The following PPP2R5E variants were observed in gnomAD, a reference collection of about 807,000 sequenced individuals.
PPP2R5E encodes protein phosphatase 2 regulatory subunit B'epsilon.
A neutral mutation model predicts 65.3 loss-of-function variants in PPP2R5E; 4 were observed. The observed-to-expected ratio is 0.06, with a 90% confidence interval of 0.03 to 0.14. The LOEUF (loss-of-function observed/expected upper bound fraction) is 0.14, where lower values mean the gene tolerates loss of function less well. Among genes scored for constraint, PPP2R5E ranks in the 10% least tolerant of loss-of-function variants. The pLI, the probability that PPP2R5E is intolerant of heterozygous loss-of-function variation, is 1.00. For missense variants in PPP2R5E, 274 were observed against 556.1 expected (o/e 0.49, Z 5.10); for synonymous variants, 183 against 187.4 (o/e 0.98, Z 0.19).
intron 2 of PPP2R5E, among the ~76,000 whole-genome samples, chr14:63,494,591 G>A (rs1480549369): frequency 6.6e-6 from 1 of 151,650 alleles, no homozygotes; most frequent in Non-Finnish European, 1.5e-5. Context: ...AAACTTTTCA[G>A]TAGGAAATGA....
At chr14:63,424,809 G>A (rs1331442735) in intron 3 of PPP2R5E, among the ~76,000 whole-genome samples, 1 of 151,828 alleles carries the variant, frequency 6.6e-6, no homozygotes, top group Non-Finnish European at 1.5e-5. Context: ...AAATTGGGTA[G>A]AAAAAGAAGA....
At chr14:63,509,766 G>A (rs2139694788) in intron 2 of PPP2R5E, among the ~76,000 whole-genome samples, 1 of 152,288 alleles carries the variant, frequency 6.6e-6, no homozygotes, top group Middle Eastern at 3.4e-3. Context: ...TCAGCTATGG[G>A]AAAGCCATCT....
chr14:63,444,605 G>A (rs1185428506), intron 3 of PPP2R5E, among the ~76,000 whole-genome samples: 1 of 150,012 alleles, frequency 6.7e-6, no homozygotes, highest in Non-Finnish European at 1.5e-5. Context: ...AAACATTTTC[G>A]AGAAAAAAAA....
At chr14:63,407,910 C>T (rs1329488975) in intron 5 of PPP2R5E, among the ~76,000 whole-genome samples, 1 of 152,222 alleles carries the variant, frequency 6.6e-6, no homozygotes, top group Non-Finnish European at 1.5e-5. Context: ...ATGCCAGCAC[C>T]TCGATCTTGA....
chr14:63,512,087 A>T lies in PPP2R5E; in HGVS notation c.157+27442T>A, dbSNP rs1004681817. On this transcript the variant is annotated intron_variant, in intron 2 of 13. Transcript: ENST00000337537. ...GAGCGAGACTCTGCGGTAAAAAAAA[A>T]AAAAAAAAAAAAAAAAAGAATCTCA... Among the ~76,000 whole-genome samples, 18 of 149,730 alleles carry T rather than the reference A, an allele frequency of 1.2e-4. No individual in the cohort carries two copies. The East Asian group carries it at 3.1e-3, about 26-fold the overall frequency.
chr14:63,433,292 C>A (rs767739832), intron 3 of PPP2R5E, among the ~76,000 whole-genome samples: 9 of 152,084 alleles, frequency 5.9e-5, no homozygotes, highest in Middle Eastern at 3.2e-3. Context: ...CCTGCCTCGG[C>A]CTCCCATAGC....
chr14:63,442,009 C>T lies in PPP2R5E; in HGVS notation c.354+11680G>A, dbSNP rs535474234. Among the ~76,000 whole-genome samples, 33 of 152,004 alleles carry T rather than the reference C, an allele frequency of 2.2e-4. No individual in the cohort carries two copies. In the South Asian group the frequency reaches 6.6e-3, roughly 31 times the overall value. Reference sequence around the variant, plus strand: ...ATCCATCTATGGGCACCCCAAGCTGCTAAATCAATACTGTTAAATGAGCTT... The same window carrying T: ...ATCCATCTATGGGCACCCCAAGCTGTTAAATCAATACTGTTAAATGAGCTT... On this transcript the variant is annotated intron_variant, in intron 3 of 13. Coordinates refer to ENST00000337537, the MANE Select transcript of PPP2R5E (RefSeq NM_006246.5).
At chr14:63,489,209 AATAGT>A (rs1231955844) in intron 2 of PPP2R5E, among the ~76,000 whole-genome samples, 1 of 152,040 alleles carries the variant, frequency 6.6e-6, no homozygotes, top group Non-Finnish European at 1.5e-5. Context: ...TGATTTTAAA[AATAGT>A]ATAGGCTCAC....
chr14:63,403,356 C>G (rs1885869525), intron 5 of PPP2R5E, among the ~76,000 whole-genome samples: 1 of 145,492 alleles, frequency 6.9e-6, no homozygotes, highest in Non-Finnish European at 1.5e-5. Context: ...CCACTACACT[C>G]CAGCCTGGGC....
chr14:63,463,163 CAG>C (rs199774008), intron 2 of PPP2R5E, among the ~76,000 whole-genome samples: 2,452 of 150,622 alleles, frequency 0.016, 60 homozygotes, highest in African/African-American at 0.056. Context: ...TGTTTTTAGG[CAG>C]AGTCTCGCCC....
At chr14:63,400,224 A>T (rs1885667694) in intron 5 of PPP2R5E, among the ~76,000 whole-genome samples, 1 of 152,254 alleles carries the variant, frequency 6.6e-6, no homozygotes, top group Non-Finnish European at 1.5e-5. Flanking sequence ...AGCAAGACAG[A>T]TACAGTCTTT....
At chr14:63,431,963 A>G (rs1887697527) in intron 3 of PPP2R5E, among the ~76,000 whole-genome samples, 1 of 152,100 alleles carries the variant, frequency 6.6e-6, no homozygotes, top group Non-Finnish European at 1.5e-5. Context: ...TCTATTAAAT[A>G]TGATTCCTGA....
At chr14:63,393,468 C>T (rs1186879613) in intron 8 of PPP2R5E, among the ~76,000 whole-genome samples, 1 of 152,178 alleles carries the variant, frequency 6.6e-6, no homozygotes. Flanking sequence ...AATCCCAGCA[C>T]TTTGGGAGGC....
chr14:63,470,006 T>C (rs1890036486), intron 2 of PPP2R5E, among the ~76,000 whole-genome samples: 1 of 152,168 alleles, frequency 6.6e-6, no homozygotes, highest in Non-Finnish European at 1.5e-5. Flanking sequence ...TTTGGACAGA[T>C]AAATGTGGCA....
intron 4 of PPP2R5E, among the ~76,000 whole-genome samples, chr14:63,416,325 C>T (rs74060078): frequency 0.061 from 9,211 of 152,164 alleles, 666 homozygotes; most frequent in African/African-American, 0.17. Flanking sequence ...ACTTTTTAAA[C>T]CATGAATACT....
intron 2 of PPP2R5E, among the ~76,000 whole-genome samples, chr14:63,478,606 AAC>A (rs1890529155): frequency 1.3e-5 from 2 of 152,064 alleles, no homozygotes; most frequent in Admixed American, 1.3e-4. Context: ...GAGAGGGAAA[AAC>A]ATATAATGTC....
intron 5 of PPP2R5E, among the ~76,000 whole-genome samples, chr14:63,402,071 C>T (rs543708125): frequency 6.9e-5 from 10 of 145,758 alleles, no homozygotes; most frequent in Admixed American, 1.3e-4. Flanking sequence ...ACATCATACA[C>T]GTTAAGTAAA....
chr14:63,496,766 T>G (rs1891591781), intron 2 of PPP2R5E, among the ~76,000 whole-genome samples: 1 of 151,536 alleles, frequency 6.6e-6, no homozygotes, highest in African/African-American at 2.4e-5. Context: ...CCGACTTAAA[T>G]CTTAAAAGAA....
In PPP2R5E at chr14:63,500,861, C is replaced by T. The variant is rs541998477; in HGVS notation, c.157+38668G>A. ...CAGCCTGGGTGACAGAGTGAGACCG[C>T]ATCTCTAAAAAAAAAAAGAAAAAGA... On this transcript the variant is annotated intron_variant, in intron 2 of 13. Coordinates refer to ENST00000337537, the MANE Select transcript of PPP2R5E (RefSeq NM_006246.5). Among the ~76,000 whole-genome samples the T allele has an allele frequency of 9.8e-4, 147 of 150,750 alleles. 2 individuals carry two copies. Among genetic ancestry groups the T allele is most frequent in the African/African-American group, 3.4e-3 (140 of 40,994 alleles).
Sources: allele counts gnomAD v4.1 joint callset (sites outside exome capture counted in the v4.1 genomes callset), GRCh38; gene constraint gnomAD v4.1.1; transcripts MANE v1.5; gene names NCBI Gene and HGNC (gene_info 2026-07-23, HGNC 2026-07-21).